Variants in CAMK2A observed in about 807,000 individuals in gnomAD.
CAMK2A encodes the protein calcium/calmodulin dependent protein kinase II alpha.
CAMK2A carries 7 observed loss-of-function variants against 79.2 expected under a neutral mutation model. The observed-to-expected ratio is 0.09, with a 90% CI of 0.05 to 0.17. CAMK2A has a LOEUF of 0.17. CAMK2A is among the 10% of genes least tolerant of loss of function. CAMK2A has a pLI of 1.00. For synonymous variants in CAMK2A, 242 were observed against 251.7 expected (o/e 0.96, Z 0.36); for missense variants, 214 against 646.4 (o/e 0.33, Z 7.25).
chr5:150,220,927 T>C lies in CAMK2A; in HGVS notation c.*1783A>G, dbSNP rs944901910. 1.3e-5 allele frequency: 2 copies of C among 152,354 alleles called. No homozygotes were observed. Among genetic ancestry groups the C allele is most frequent in the South Asian group, 2.1e-4 (1 of 4,830 alleles). The allele number at this position is 152,354 out of a possible 1,614,324, so 9.4% of individuals were successfully genotyped here. Reference sequence around the variant, plus strand: ...ATCTCGGATCAAACATCCTCACCAGTTCTGCTCCAACCAACACCCAGGAGG... The same window carrying C: ...ATCTCGGATCAAACATCCTCACCAGCTCTGCTCCAACCAACACCCAGGAGG... On this transcript the variant is annotated 3_prime_UTR_variant, in exon 19 of 19. Transcript: ENST00000671881.
chr5:150,273,207 G>A, intron 1 of CAMK2A, 48 bp from the exon 2 acceptor site: 2 of 1,400,562 alleles, frequency 1.4e-6, no homozygotes, highest in Non-Finnish European at 2.0e-6. Context: ...CCTGAGGGCT[G>A]TGTCCCTAGG....
At chr5:150,247,708 C>A in intron 12 of CAMK2A, 64 bp downstream of exon 12, 1 of 1,373,068 alleles carries the variant, frequency 7.3e-7, no homozygotes, top group South Asian at 1.2e-5. Context: ...CAATATCTGA[C>A]AGGACGGTGC....
chr5:150,261,920 G>T (rs2150290921), intron 3 of CAMK2A, among the ~76,000 whole-genome samples: 1 of 152,288 alleles, frequency 6.6e-6, no homozygotes, highest in African/African-American at 2.4e-5. Flanking sequence ...TGGAGATATT[G>T]TCAACTTCAT....
chr5:150,265,012 T>A lies in CAMK2A; in HGVS notation c.161A>T (p.His54Leu), dbSNP rs750935357. 6.2e-7 allele frequency: 1 copy of A among 1,613,074 alleles called. No individual in the cohort carries two copies. Among genetic ancestry groups the A allele is most frequent in the Non-Finnish European group, 8.5e-7 (1 of 1,179,076 alleles). ...INTKKLSARD[H>L]QKLEREARIC... is the part of the protein sequence containing the mutation. The stretch of plus-strand genomic sequence containing the variant: ...GCGGGCTTCACGCTCCAGCTTCTGA[T>A]GGTCTGAAACACAGAGGCTCATGTG... Residue 54 changes from histidine to leucine, a missense_variant, in exon 3 of 19, where the codon CAT (histidine) becomes CTT (leucine). Coordinates refer to ENST00000671881, the MANE Select transcript of CAMK2A (RefSeq NM_015981.4).
chr5:150,250,934 C>T (rs1755805010), intron 9 of CAMK2A, 124 bp from the exon 10 acceptor site: 28 of 1,124,976 alleles, frequency 2.5e-5, no homozygotes, highest in Non-Finnish European at 3.6e-5. Flanking sequence ...ACATCCACAC[C>T]AGGAGGAGTT....
intron 1 of CAMK2A, among the ~76,000 whole-genome samples, chr5:150,286,783 C>T (rs1050314058): frequency 2.0e-5 from 3 of 152,164 alleles, no homozygotes; most frequent in African/African-American, 4.8e-5. Context: ...CTCCCAGCCC[C>T]GGATGGGCCA....
At chr5:150,275,068 G>A (rs1562196320) in intron 1 of CAMK2A, among the ~76,000 whole-genome samples, 1 of 152,226 alleles carries the variant, frequency 6.6e-6, no homozygotes, top group East Asian at 1.9e-4. Context: ...ATGAGCGGCT[G>A]GGAAACTGTG....
At position 150,272,801 on chromosome 5, in the gene CAMK2A, G is replaced by A. The variant is rs145248746; in HGVS notation, c.157+264C>T. On this transcript the variant is annotated intron_variant, in intron 2 of 18. Transcript: ENST00000671881. ...AGTGGCAAGAGAGTAGGGAAAGGAG[G>A]GCCCATCTGGTGTCTCAGCCCTCAC... 4.7e-3 allele frequency among the ~76,000 whole-genome samples: 718 copies of A among 151,890 alleles called. 16 individuals carry two copies. The highest frequency in any genetic ancestry group is 0.02 in the East Asian group (101 of 5,136).
rs530966351 is a variant in CAMK2A at position 150,273,223 on chromosome 5, T to G, written c.63-64A>C. 803 of 1,271,746 alleles carry G rather than the reference T, an allele frequency of 6.3e-4. 12 individuals carry two copies. The South Asian group carries it at 8.6e-3, about 14-fold the overall frequency. The allele number at this position is 1,271,746 out of a possible 1,614,324, so 78.8% of individuals were successfully genotyped here. ...CTGAGGGCTGTGTCCCTAGGAGATG[T>G]TGGAGTTCACATCACTGCCCCACGC... On this transcript the variant is annotated intron_variant, in intron 1 of 18. Coordinates refer to ENST00000671881, the MANE Select transcript of CAMK2A (RefSeq NM_015981.4).
Position 150,228,152 on chromosome 5 carries a change from G to GA in CAMK2A, c.1237+39dup, listed in dbSNP as rs753832630. The GA allele has an allele frequency of 5.2e-6, 8 of 1,528,006 alleles. No homozygotes were observed. In the East Asian group the frequency reaches 1.8e-4, roughly 34 times the overall value. 94.7% of individuals were successfully genotyped at this position (1,528,006 alleles called of 1,614,324 possible). On this transcript the variant is annotated intron_variant, in intron 17 of 18. Coordinates refer to ENST00000671881, the MANE Select transcript of CAMK2A (RefSeq NM_015981.4). The stretch of plus-strand genomic sequence containing the variant: ...TGCCATCCAGCAGGACATGGAACGA[G>GA]AGCAGACAACAGGCACCACAGAGAG...
At position 150,251,847 on chromosome 5, in the gene CAMK2A, G is replaced by C. The variant is rs770466989; in HGVS notation, c.599-3C>G. ...CAGCAGGATGTACAGGATGACCCCT[G>C]GAAAGAGGACCAGAGAACCTTCAAC... On this transcript the variant is annotated splice_region_variant and splice_polypyrimidine_tract_variant and intron_variant, in intron 8 of 18. Transcript: ENST00000671881. 1.3e-6 allele frequency: 2 copies of C among 1,597,606 alleles called. No individual in the cohort carries two copies. Among genetic ancestry groups the C allele is most frequent in the Non-Finnish European group, 8.5e-7 (1 of 1,170,830 alleles).
intron 13 of CAMK2A, among the ~76,000 whole-genome samples, 190 bp downstream of exon 13, chr5:150,244,971 C>T (rs1464630268): frequency 1.3e-5 from 2 of 152,118 alleles, no homozygotes; most frequent in African/African-American, 2.4e-5. Context: ...TGCCCCCCAA[C>T]AGTCACGGCG....
At chr5:150,227,913 G>A (rs41287122) in intron 17 of CAMK2A, among the ~76,000 whole-genome samples, 1 of 152,120 alleles carries the variant, frequency 6.6e-6, no homozygotes, top group Non-Finnish European at 1.5e-5. Context: ...CCCTCCCAGG[G>A]TCATGGGCAG....
At chr5:150,269,423 G>A (rs1756643476) in intron 2 of CAMK2A, among the ~76,000 whole-genome samples, 1 of 151,858 alleles carries the variant, frequency 6.6e-6, no homozygotes, top group Admixed American at 6.5e-5. Flanking sequence ...TCTACCTCCA[G>A]AAGGGAGTGG....
At position 150,257,553 on chromosome 5, in the gene CAMK2A, C is replaced by T. The variant is rs1231994758; in HGVS notation, c.272+10G>A. 1 of 1,563,716 alleles carries T rather than the reference C, an allele frequency of 6.4e-7. No individual in the cohort carries two copies. The highest frequency in any genetic ancestry group is 1.2e-5 in the South Asian group (1 of 84,618). On this transcript the variant is annotated intron_variant, in intron 4 of 18. Transcript: ENST00000671881. ...ACCGTTGGCGCATCCCAGGGCGGGGCCAAACTCACAGGTCGAAGATCAGGT... is the reference window on the plus strand; with the variant it reads ...ACCGTTGGCGCATCCCAGGGCGGGGTCAAACTCACAGGTCGAAGATCAGGT...
chr5:150,245,410 C>T (rs1320305479), intron 12 of CAMK2A: 12 of 592,758 alleles, frequency 2.0e-5, no homozygotes, highest in South Asian at 1.2e-4. Flanking sequence ...CTGGGTTCCC[C>T]GCCTTCTCAG....
Position 150,269,677 on chromosome 5 carries a change from C to T in CAMK2A, c.157+3388G>A, listed in dbSNP as rs555334935. ...CCCCATTCTAATAATTAGTGGACTC[C>T]AGCAGGCAGGCGGCCCGAAATTCCA... On this transcript the variant is annotated intron_variant, in intron 2 of 18. Transcript: ENST00000671881. 9.7e-4 allele frequency among the ~76,000 whole-genome samples: 147 copies of T among 152,176 alleles called. 1 individual carries two copies. Among genetic ancestry groups the T allele is most frequent in the Non-Finnish European group, 1.4e-3 (97 of 68,004 alleles).
At chr5:150,226,866 C>G (rs1384628967) in intron 17 of CAMK2A, among the ~76,000 whole-genome samples, 2 of 149,000 alleles carry the variant, frequency 1.3e-5, no homozygotes. Flanking sequence ...TGCAGTGGTG[C>G]GATCTTGGCT....
chr5:150,289,672 C>CT lies in CAMK2A; in HGVS notation c.-48dup, dbSNP rs1159053391. 2 of 1,499,660 alleles carry CT rather than the reference C, an allele frequency of 1.3e-6. No homozygotes were observed. The highest frequency in any genetic ancestry group is 1.9e-6 in the Non-Finnish European group (2 of 1,079,082). 92.9% of individuals were successfully genotyped at this position (1,499,660 alleles called of 1,614,324 possible). On this transcript the variant is annotated 5_prime_UTR_variant, in exon 1 of 19. Coordinates refer to ENST00000671881, the MANE Select transcript of CAMK2A (RefSeq NM_015981.4). ...GAGGCTTGGGACTGGGGGACCAGGA[C>CT]TGAGGCGCTGCTGCTCTGCTCCCGA... is the stretch of plus-strand genomic sequence containing the variant.
Sources: gnomAD v4.1 joint callset for allele counts (sites outside exome capture counted in the v4.1 genomes callset) on GRCh38, gnomAD v4.1.1 for gene constraint, MANE v1.5 for transcripts, NCBI Gene and HGNC (gene_info 2026-07-23, HGNC 2026-07-21) for gene names.